Variants in BIRC6 observed in about 807,000 individuals in gnomAD.
BIRC6 encodes the protein dual E2 ubiquitin-conjugating enzyme/E3 ubiquitin-protein ligase BIRC6.
Under a neutral mutation model 503.3 loss-of-function variants are expected in BIRC6, and 98 were observed. The ratio of observed to expected loss-of-function variants is 0.19; its 90% CI spans 0.17 to 0.23. The LOEUF (loss-of-function observed/expected upper bound fraction) is 0.23. Ranked by LOEUF, BIRC6 falls within the 10% of genes least tolerant of loss-of-function variation. The pLI, the probability that BIRC6 is intolerant of heterozygous loss-of-function variation, is 1.00. For missense variants in BIRC6, 5,360 were observed against 5,806.0 expected, an observed-to-expected ratio of 0.92 and a Z score of 2.50; for synonymous variants, 2,240 against 2,078.7, an observed-to-expected ratio of 1.08 and a Z score of -2.11.
rs11288979 is a variant in BIRC6 at position 32,604,895 on chromosome 2, C to CT, written c.14070+1826dup. ...TTCTTTTTTCTTTTTCTTTTCTTTT[C>CT]TTTTTTTTTTTTTTGAGACAGGGTC... On this transcript the variant is annotated intron_variant, in intron 71 of 73. Coordinates refer to ENST00000421745, the MANE Select transcript of BIRC6 (RefSeq NM_016252.4). Among the ~76,000 whole-genome samples, 229 of 133,544 alleles carry CT rather than the reference C, an allele frequency of 1.7e-3. 1 individual carries two copies. Among genetic ancestry groups the CT allele is most frequent in the South Asian group, 3.1e-3 (13 of 4,160 alleles). The allele number at this position is 133,544 out of a possible 152,430, so 87.6% of individuals were successfully genotyped here.
chr2:32,580,585 A>G (rs751699641), intron 66 of BIRC6, among the ~76,000 whole-genome samples: 4 of 152,182 alleles, frequency 2.6e-5, no homozygotes, highest in Non-Finnish European at 5.9e-5. Flanking sequence ...TTACCTTAAA[A>G]GTAATGTTGA....
At chr2:32,400,316 A>C (rs1395305995) in intron 6 of BIRC6, among the ~76,000 whole-genome samples, 1 of 149,850 alleles carries the variant, frequency 6.7e-6, no homozygotes, top group Non-Finnish European at 1.5e-5. Context: ...TTCATACTAG[A>C]GATCTTTCTG....
At chr2:32,545,369 C>T (rs116758750) in intron 62 of BIRC6, among the ~76,000 whole-genome samples, 3,794 of 152,100 alleles carry the variant, frequency 0.025, 66 homozygotes, top group African/African-American at 0.06. Flanking sequence ...AATTCTAGTT[C>T]GTAATAATTT....
intron 9 of BIRC6, 105 bp from the exon 10 acceptor site, chr2:32,414,664 C>A: frequency 1.1e-6 from 1 of 905,286 alleles, no homozygotes; most frequent in Non-Finnish European, 1.5e-6. Context: ...AAGAATTTGT[C>A]TCAAAAATAA....
At chr2:32,461,073 C>CTGTTCTGT (rs2047896346) in intron 23 of BIRC6, among the ~76,000 whole-genome samples, 1 of 4,464 alleles carries the variant, frequency 2.2e-4, no homozygotes, top group African/African-American at 5.9e-4. Flanking sequence ...TTCTGTTCTC[C>CTGTTCTGT]TCTCCTCTCC....
Position 32,493,683 on chromosome 2 carries a change from C to T in BIRC6, c.8468+16C>T, listed in dbSNP as rs778853269. ...CAACTGAAAGGTAAATTTTTGTGTA[C>T]TAATTTGTTCCTGATATAGAAGTAA... On this transcript the variant is annotated intron_variant, in intron 45 of 73. Transcript: ENST00000421745. The T allele has an allele frequency of 1.7e-5, 26 of 1,571,414 alleles. No homozygotes were observed. In the African/African-American group the frequency reaches 3.4e-4, roughly 20 times the overall value.
Position 32,485,710 on chromosome 2 carries a change from T to C in BIRC6, c.7764T>C (p.Thr2588=), listed in dbSNP as rs202237562. ...QAELMLKMMS[T]LEADSILQAL... is the part of the protein sequence containing the mutation. ...AACTGATGTTGAAAATGATGTCTAC[T>C]CTGGAGGCAGATTCCATTTTACAGG... The change falls in exon 40 of 74, where the codon ACT becomes ACC. Residue 2588 remains threonine (T), a synonymous_variant. Coordinates refer to ENST00000421745, the MANE Select transcript of BIRC6 (RefSeq NM_016252.4). 4.0e-5 allele frequency: 64 copies of C among 1,613,678 alleles called. No homozygotes were observed. Among genetic ancestry groups the C allele is most frequent in the Non-Finnish European group, 5.3e-5 (62 of 1,179,724 alleles).
intron 69 of BIRC6, among the ~76,000 whole-genome samples, chr2:32,599,141 T>C (rs2061877250): frequency 6.6e-6 from 1 of 151,358 alleles, no homozygotes; most frequent in African/African-American, 2.4e-5. Context: ...ACAGCCTGGC[T>C]GATGTGGTGA....
At chr2:32,581,115 G>A (rs1423540205) in intron 66 of BIRC6, among the ~76,000 whole-genome samples, 1 of 152,212 alleles carries the variant, frequency 6.6e-6, no homozygotes, top group Non-Finnish European at 1.5e-5. Context: ...TAGAAGCTAA[G>A]TCGTTAAGTC....
chr2:32,534,355 CAA>C (rs1462301811), intron 61 of BIRC6, among the ~76,000 whole-genome samples: 38 of 107,440 alleles, frequency 3.5e-4, no homozygotes, highest in Admixed American at 1.8e-3. Flanking sequence ...GCTTGGGTGA[CAA>C]GAGTGAAATT....
At chr2:32,483,786 G>A (rs1047466375) in intron 39 of BIRC6, among the ~76,000 whole-genome samples, 1 of 152,116 alleles carries the variant, frequency 6.6e-6, no homozygotes, top group African/African-American at 2.4e-5. Flanking sequence ...ATCTTCGAAG[G>A]AATATTCCAC....
intron 61 of BIRC6, among the ~76,000 whole-genome samples, chr2:32,538,214 G>C (rs1192178602): frequency 6.6e-6 from 1 of 152,102 alleles, no homozygotes; most frequent in Non-Finnish European, 1.5e-5. Context: ...TAGGAATTCA[G>C]AAAGGAGGAA....
chr2:32,479,416 G>A (rs376699234), intron 36 of BIRC6, 46 bp from the exon 37 acceptor site: 31 of 1,527,430 alleles, frequency 2.0e-5, no homozygotes, highest in African/African-American at 5.5e-5. Flanking sequence ...ATACATTTTC[G>A]AAATCTGTAT....
At chr2:32,532,441 A>G (rs896714574) in intron 61 of BIRC6, among the ~76,000 whole-genome samples, 2 of 151,998 alleles carry the variant, frequency 1.3e-5, no homozygotes, top group African/African-American at 2.4e-5. Context: ...ATTTCTGCCT[A>G]CGTCGTCATA....
chr2:32,414,690 A>G lies in BIRC6; in HGVS notation c.1478-79A>G, dbSNP rs1220334765. On this transcript the variant is annotated intron_variant, in intron 9 of 73. Coordinates refer to ENST00000421745, the MANE Select transcript of BIRC6 (RefSeq NM_016252.4). ...TCAAAAATAAATAAATAAATAAATA[A>G]ATAATTTTACTTGTGTATTCATAAT... 4 of 1,010,284 alleles carry G rather than the reference A, an allele frequency of 4.0e-6. No homozygotes were observed. The African/African-American group carries it at 6.7e-5, about 17-fold the overall frequency. The allele number at this position is 1,010,284 out of a possible 1,614,324, so 62.6% of individuals were successfully genotyped here. A position where few individuals can be genotyped will look rare whatever the true frequency, so the allele number is the denominator to read the frequency against.
At chr2:32,358,038 T>TGGGGGGGGGGGTG (rs575364820) in intron 1 of BIRC6, among the ~76,000 whole-genome samples, 2 of 91,624 alleles carry the variant, frequency 2.2e-5, no homozygotes, top group African/African-American at 8.6e-5. Context: ...GGGGTGGGGG[T>TGGGGGGGGGGGTG]GGGGTGGGGG....
At chr2:32,434,075 T>A (rs1319777752) in intron 13 of BIRC6, among the ~76,000 whole-genome samples, 1 of 152,230 alleles carries the variant, frequency 6.6e-6, no homozygotes, top group African/African-American at 2.4e-5. Context: ...AGTTTGACTT[T>A]TAGCATTACT....
In BIRC6 at chr2:32,509,783, T is replaced by A. The variant is rs756142694; in HGVS notation, c.10026T>A (p.Ser3342Arg). ...TACATCATTGCCTTACTCACATAAG[T>A]GATCTAGAAGGAATGATGGCAAGTG... is the stretch of plus-strand genomic sequence containing the variant. ...RLLHHCLTHI[S>R]DLEGMMASAA... Residue 3342 changes from serine (S) to arginine (R), a missense_variant, in exon 52 of 74, where the codon AGT becomes AGA. Around this residue, in one of 16 missense-constraint regions of BIRC6, gnomAD observed 878 missense variants for 928.9 expected, o/e 0.95. Coordinates refer to ENST00000421745, the MANE Select transcript of BIRC6 (RefSeq NM_016252.4). 1.9e-6 allele frequency: 3 copies of A among 1,613,898 alleles called. No homozygotes were observed. The highest frequency in any genetic ancestry group is 2.7e-5 in the African/African-American group (2 of 74,940).
chr2:32,514,990 G>T lies in BIRC6; in HGVS notation c.10569G>T (p.Glu3523Asp). Reference protein sequence around the residue: ...LPALLDQELFELLFNWSMSLP... With the variant: ...LPALLDQELFDLLFNWSMSLP... Reference sequence around the variant, plus strand: ...TAATATGATATCTTTTATTTTTTAGGTTACTTTTTAATTGGTCCATGTCTC... The same window carrying T: ...TAATATGATATCTTTTATTTTTTAGTTTACTTTTTAATTGGTCCATGTCTC... The change falls in exon 55 of 74, where the codon GAG (glutamate) becomes GAT (aspartate). Residue 3523 changes from glutamate to aspartate, a missense_variant and splice_region_variant. By Grantham distance (45) the Glu-to-Asp change is conservative. Transcript: ENST00000421745. The T allele has an allele frequency of 6.3e-7, 1 of 1,594,690 alleles. No homozygotes were observed. Among genetic ancestry groups the T allele is most frequent in the South Asian group, 1.1e-5 (1 of 88,552 alleles).
Sources: gnomAD v4.1 joint callset for allele counts (sites outside exome capture counted in the v4.1 genomes callset) on GRCh38, gnomAD v4.1.1 for gene constraint, gnomAD v4.1.1 regional missense constraint, MANE v1.5 for transcripts, NCBI Gene and HGNC (gene_info 2026-07-23, HGNC 2026-07-21) for gene names.